The following VEPH1 variants were observed in gnomAD, a reference collection of about 807,000 sequenced individuals.
VEPH1 encodes ventricular zone-expressed PH domain-containing protein homolog 1.
Under a neutral mutation model 85.2 loss-of-function variants are expected in VEPH1, and 80 were observed. That is an observed-to-expected ratio of 0.94 (90% CI 0.78 to 1.13). The LOEUF (loss-of-function observed/expected upper bound fraction) is 1.13. Among genes scored for constraint, VEPH1 ranks in the 50% most tolerant of loss-of-function variants. The probability of loss-of-function intolerance (pLI) is 0.00; values close to 1 mark genes in which losing one functional copy is unlikely to be tolerated. For missense variants in VEPH1, 955 were observed against 980.5 expected (o/e 0.97, Z 0.35); for synonymous variants, 297 against 348.0 (o/e 0.85, Z 1.63).
At chr3:157,347,367 A>C (rs1041701270) in intron 9 of VEPH1, among the ~76,000 whole-genome samples, 1 of 152,246 alleles carries the variant, frequency 6.6e-6, no homozygotes, top group African/African-American at 2.4e-5. Flanking sequence ...TTTCAAATAA[A>C]TAGAAGAAAA....
At chr3:157,412,612 A>G (rs1369393473) in intron 6 of VEPH1, among the ~76,000 whole-genome samples, 1 of 152,172 alleles carries the variant, frequency 6.6e-6, no homozygotes, top group African/African-American at 2.4e-5. Flanking sequence ...AAAGGTGACA[A>G]GCAAGGGAAA....
At chr3:157,374,419 G>A (rs1423544515) in intron 7 of VEPH1, among the ~76,000 whole-genome samples, 5 of 152,188 alleles carry the variant, frequency 3.3e-5, no homozygotes, top group East Asian at 3.8e-4. Flanking sequence ...GAACTGACTC[G>A]TGTACCTTCC....
chr3:157,393,154 T>C (rs900078228), intron 6 of VEPH1, among the ~76,000 whole-genome samples: 3 of 152,228 alleles, frequency 2.0e-5, no homozygotes, highest in African/African-American at 7.2e-5. Flanking sequence ...GGTATGTTTA[T>C]GGGACCAATT....
intron 9 of VEPH1, among the ~76,000 whole-genome samples, chr3:157,340,500 C>A (rs971196204): frequency 6.6e-6 from 1 of 152,122 alleles, no homozygotes; most frequent in Non-Finnish European, 1.5e-5. Flanking sequence ...ATTGATGAGG[C>A]TTGAGTAGGT....
At chr3:157,386,250 CAAAA>C (rs71302265) in intron 6 of VEPH1, among the ~76,000 whole-genome samples, 3 of 38,484 alleles carry the variant, frequency 7.8e-5, no homozygotes, top group Middle Eastern at 0.017. Flanking sequence ...AATGGTTCCA[CAAAA>C]AAAAAAAAAA....
At chr3:157,391,727 G>A (rs1365745120) in intron 6 of VEPH1, among the ~76,000 whole-genome samples, 3 of 152,302 alleles carry the variant, frequency 2.0e-5, no homozygotes, top group African/African-American at 7.2e-5. Flanking sequence ...CTACACATAA[G>A]AAATCCAGAG....
intron 12 of VEPH1, among the ~76,000 whole-genome samples, chr3:157,268,301 G>A (rs1714029008): frequency 6.6e-6 from 1 of 152,130 alleles, no homozygotes; most frequent in Non-Finnish European, 1.5e-5. Flanking sequence ...TAGAGCCTCA[G>A]TAAATGTTTA....
intron 2 of VEPH1, chr3:157,493,429 A>G (rs1001769295): frequency 3.0e-6 from 1 of 334,732 alleles, no homozygotes; most frequent in African/African-American, 2.2e-5. Flanking sequence ...TAGAGCAGGC[A>G]TGGTGGTTCC....
intron 4 of VEPH1, among the ~76,000 whole-genome samples, chr3:157,450,952 CTGCTAGAGTCATTT>C (rs1367117134): frequency 3.3e-5 from 5 of 152,140 alleles, no homozygotes; most frequent in Non-Finnish European, 7.4e-5. Flanking sequence ...ACTTTAAGCA[CTGCTAGAGTCATTT>C]TGCTAAAATT....
chr3:157,277,079 TG>T (rs899251021), intron 12 of VEPH1, among the ~76,000 whole-genome samples: 5 of 152,068 alleles, frequency 3.3e-5, no homozygotes, highest in African/African-American at 1.2e-4. Flanking sequence ...TTCGTAGATA[TG>T]GGGTTATGCC....
intron 2 of VEPH1, among the ~76,000 whole-genome samples, chr3:157,480,967 T>C (rs1032963463): frequency 1.3e-5 from 2 of 152,102 alleles, no homozygotes; most frequent in African/African-American, 4.8e-5. Flanking sequence ...ATCTGCTGTT[T>C]TTTGACTTTT....
chr3:157,420,371 A>C (rs1276986475), intron 5 of VEPH1, among the ~76,000 whole-genome samples: 3 of 152,114 alleles, frequency 2.0e-5, no homozygotes, highest in African/African-American at 4.8e-5. Flanking sequence ...TTATGTACAC[A>C]CACACATACA....
intron 2 of VEPH1, among the ~76,000 whole-genome samples, chr3:157,486,426 G>C (rs957648561): frequency 2.6e-5 from 4 of 151,294 alleles, no homozygotes; most frequent in Middle Eastern, 6.8e-3. Flanking sequence ...AACCCAGGAG[G>C]CGGAGGTTGC....
intron 6 of VEPH1, among the ~76,000 whole-genome samples, chr3:157,388,787 G>C (rs1191997541): frequency 6.6e-6 from 1 of 152,076 alleles, no homozygotes; most frequent in East Asian, 1.9e-4. Context: ...CATTGTATTA[G>C]GTATTATAAG....
intron 5 of VEPH1, among the ~76,000 whole-genome samples, chr3:157,418,749 C>T (rs1400521266): frequency 6.6e-6 from 1 of 152,138 alleles, no homozygotes; most frequent in African/African-American, 2.4e-5. Context: ...GTGAAAATGG[C>T]CATACTGCCC....
chr3:157,261,538 G>A (rs1358683717), intron 13 of VEPH1, among the ~76,000 whole-genome samples, 168 bp from the exon 14 acceptor site: 2 of 152,106 alleles, frequency 1.3e-5, no homozygotes, highest in East Asian at 3.8e-4. Context: ...AACTGAAGGA[G>A]TGAGCAATTG....
intron 9 of VEPH1, among the ~76,000 whole-genome samples, chr3:157,362,564 A>G (rs1479386383): frequency 6.6e-6 from 1 of 152,130 alleles, no homozygotes; most frequent in African/African-American, 2.4e-5. Flanking sequence ...TGACTTTACA[A>G]TGGTGTGAAA....
chr3:157,393,223 G>A (rs1730040207), intron 6 of VEPH1, among the ~76,000 whole-genome samples: 1 of 152,198 alleles, frequency 6.6e-6, no homozygotes, highest in African/African-American at 2.4e-5. Context: ...AGTTCTTGAT[G>A]ATGTTGTGGA....
At chr3:157,277,522 AC>A (rs1451487059) in intron 12 of VEPH1, among the ~76,000 whole-genome samples, 7 of 152,212 alleles carry the variant, frequency 4.6e-5, no homozygotes, top group African/African-American at 1.7e-4. Context: ...TTAAGGTGTT[AC>A]CTACACCACT....
Sources: gnomAD v4.1 joint callset for allele counts (sites outside exome capture counted in the v4.1 genomes callset) on GRCh38, gnomAD v4.1.1 for gene constraint, MANE v1.5 for transcripts, NCBI Gene and HGNC (gene_info 2026-07-23, HGNC 2026-07-21) for gene names.